The following DPP10 variants were observed in gnomAD, a reference collection of about 807,000 sequenced individuals.
The protein encoded by DPP10 is inactive dipeptidyl peptidase 10.
A neutral mutation model predicts 120.9 loss-of-function variants in DPP10; 33 were observed. That is an observed-to-expected ratio of 0.27 (90% CI 0.21 to 0.37). The LOEUF (loss-of-function observed/expected upper bound fraction) is 0.37, where lower values mean the gene tolerates loss of function less well. Ranked by LOEUF, DPP10 falls within the 10% of genes least tolerant of loss-of-function variation. DPP10 has a pLI of 1.00. For missense variants in DPP10, 816 were observed against 942.8 expected (o/e 0.87, Z 1.76); for synonymous variants, 337 against 326.1 (o/e 1.03, Z -0.36).
chr2:115,151,333 A>G (rs1229938676), intron 1 of DPP10, among the ~76,000 whole-genome samples: 1 of 151,504 alleles, frequency 6.6e-6, no homozygotes, highest in African/African-American at 2.4e-5. Flanking sequence ...TGATTGTACT[A>G]CGTTAATATT....
chr2:114,777,781 A>G lies in DPP10; in HGVS notation c.60+334943A>G, dbSNP rs1681896709. Among the ~76,000 whole-genome samples, 2 of 152,274 alleles carry G rather than the reference A, an allele frequency of 1.3e-5. 1 individual carries two copies. The highest frequency in any genetic ancestry group is 4.2e-4 in the South Asian group (2 of 4,812). ...TATGTCCTGGCTATATGGTAATGAC[A>G]TCATTAAACAGAAATCCTTTGAGCC... On this transcript the variant is annotated intron_variant, in intron 1 of 25. Coordinates refer to ENST00000410059, the MANE Select transcript of DPP10 (RefSeq NM_020868.6).
chr2:115,765,301 A>C (rs1680582571), intron 12 of DPP10, among the ~76,000 whole-genome samples: 1 of 152,154 alleles, frequency 6.6e-6, no homozygotes, highest in Admixed American at 6.6e-5. Flanking sequence ...ATAGAAGTAC[A>C]AAGGGAGAAC....
chr2:115,834,639 TA>T (rs1689261779), intron 21 of DPP10, among the ~76,000 whole-genome samples: 1 of 152,204 alleles, frequency 6.6e-6, no homozygotes, highest in African/African-American at 2.4e-5. Flanking sequence ...AAATTAAACT[TA>T]AACAATAATT....
chr2:115,691,355 A>G (rs2091304418), intron 7 of DPP10, among the ~76,000 whole-genome samples: 1 of 152,140 alleles, frequency 6.6e-6, no homozygotes, highest in Admixed American at 6.6e-5. Context: ...CCTTCCATGT[A>G]TAGGTTCTTG....
At chr2:115,631,376 AT>A (rs1200533505) in intron 5 of DPP10, among the ~76,000 whole-genome samples, 2 of 151,730 alleles carry the variant, frequency 1.3e-5, no homozygotes, top group East Asian at 1.9e-4. Flanking sequence ...GGATTCATTG[AT>A]TTTTTGAAGG....
chr2:115,675,538 A>G (rs565294320), intron 5 of DPP10, among the ~76,000 whole-genome samples: 45 of 152,326 alleles, frequency 3.0e-4, no homozygotes, highest in African/African-American at 1.1e-3. Flanking sequence ...AGATGGTAGC[A>G]TAGAGAGGGA....
intron 7 of DPP10, among the ~76,000 whole-genome samples, chr2:115,719,633 G>A (rs147045763): frequency 6.6e-6 from 1 of 152,216 alleles, no homozygotes; most frequent in East Asian, 1.9e-4. Flanking sequence ...GACAAATTAT[G>A]GAAACAGAAT....
In DPP10 at chr2:114,473,999, C is replaced by T. The variant is rs534202861; in HGVS notation, c.60+31161C>T. On this transcript the variant is annotated intron_variant, in intron 1 of 25. Coordinates refer to ENST00000410059, the MANE Select transcript of DPP10 (RefSeq NM_020868.6). ...CTGAGATAGAGTCTCTCTCTGTCGC[C>T]CAGGCTGGAGTGCAGTGGCACAATC... Among the ~76,000 whole-genome samples, 3 of 152,198 alleles carry T rather than the reference C, an allele frequency of 2.0e-5. No individual in the cohort carries two copies. The East Asian group carries it at 5.8e-4, about 29-fold the overall frequency.
intron 1 of DPP10, among the ~76,000 whole-genome samples, chr2:114,965,263 A>G (rs1698922989): frequency 6.6e-6 from 1 of 151,902 alleles, no homozygotes; most frequent in Non-Finnish European, 1.5e-5. Context: ...CCGCCTCCTG[A>G]GTAGCTGGGA....
chr2:114,994,515 C>T (rs1035579890), intron 1 of DPP10, among the ~76,000 whole-genome samples: 1 of 152,098 alleles, frequency 6.6e-6, no homozygotes, highest in Non-Finnish European at 1.5e-5. Flanking sequence ...CACTCTTCCT[C>T]CTCCCACCTA....
chr2:114,933,733 TA>T (rs2104516258), intron 1 of DPP10, among the ~76,000 whole-genome samples: 1 of 152,318 alleles, frequency 6.6e-6, no homozygotes, highest in South Asian at 2.1e-4. Flanking sequence ...GAGGTTCTCT[TA>T]CTTGGTCATC....
chr2:114,461,368 A>G (rs879705957), intron 1 of DPP10, among the ~76,000 whole-genome samples: 4 of 152,174 alleles, frequency 2.6e-5, no homozygotes, highest in Non-Finnish European at 4.4e-5. Flanking sequence ...AGGGGGAAAT[A>G]AAGAGAGGCG....
intron 1 of DPP10, among the ~76,000 whole-genome samples, chr2:114,869,715 A>G (rs577231033): frequency 4.6e-5 from 7 of 152,254 alleles, no homozygotes; most frequent in Admixed American, 2.6e-4. Context: ...ACATTCTACA[A>G]TTATTCTTGA....
At chr2:114,883,014 C>T (rs924219205) in intron 1 of DPP10, among the ~76,000 whole-genome samples, 1 of 152,164 alleles carries the variant, frequency 6.6e-6, no homozygotes, top group African/African-American at 2.4e-5. Context: ...AAAAGAAAGG[C>T]AAGTTCTTAC....
At chr2:115,736,820 C>T (rs538661728) in intron 8 of DPP10, among the ~76,000 whole-genome samples, 4 of 152,272 alleles carry the variant, frequency 2.6e-5, no homozygotes, top group East Asian at 3.9e-4. Context: ...TGGCAGTCAT[C>T]TTGTCCTAAA....
intron 3 of DPP10, among the ~76,000 whole-genome samples, chr2:115,466,955 AT>A (rs1394044890): frequency 2.6e-5 from 4 of 151,894 alleles, no homozygotes; most frequent in Admixed American, 6.6e-5. Context: ...TTTGAATTCA[AT>A]TTTTTTTGAG....
chr2:115,194,496 G>A (rs139595425), intron 1 of DPP10, among the ~76,000 whole-genome samples: 3 of 152,272 alleles, frequency 2.0e-5, no homozygotes, highest in African/African-American at 7.2e-5. Context: ...TATTTCTAAG[G>A]CTACGCACTT....
chr2:115,046,550 G>T (rs1337421774), intron 1 of DPP10, among the ~76,000 whole-genome samples: 2 of 152,120 alleles, frequency 1.3e-5, no homozygotes, highest in Non-Finnish European at 2.9e-5. Context: ...ATAAGAGTGG[G>T]TGATAACTGT....
chr2:115,812,803 A>G (rs112582470), intron 19 of DPP10, among the ~76,000 whole-genome samples: 5 of 152,140 alleles, frequency 3.3e-5, no homozygotes, highest in African/African-American at 1.2e-4. Context: ...TTTATAATAC[A>G]TCTCATAATC....
Sources: allele counts gnomAD v4.1 joint callset (sites outside exome capture counted in the v4.1 genomes callset), GRCh38; gene constraint gnomAD v4.1.1; transcripts MANE v1.5; gene names NCBI Gene and HGNC (gene_info 2026-07-23, HGNC 2026-07-21).